The following ATRN variants were observed in gnomAD, a reference collection of about 807,000 sequenced individuals.
The protein encoded by ATRN is attractin-2.
Under a neutral mutation model 178.7 loss-of-function variants are expected in ATRN, and 54 were observed. The ratio of observed to expected loss-of-function variants is 0.30; its 90% CI spans 0.24 to 0.38. The LOEUF (loss-of-function observed/expected upper bound fraction) is 0.38. ATRN is among the 10% of genes least tolerant of loss of function. The probability of loss-of-function intolerance (pLI) is 1.00; values close to 1 mark genes in which losing one functional copy is unlikely to be tolerated. For synonymous variants in ATRN, 636 were observed against 663.0 expected (o/e 0.96, Z 0.63); for missense variants, 1,443 against 1,815.1 (o/e 0.79, Z 3.73).
intron 27 of ATRN, 120 bp downstream of exon 27, chr20:3,639,055 T>G (rs1568777896): frequency 1.4e-6 from 1 of 705,334 alleles, no homozygotes; most frequent in East Asian, 2.8e-5. Flanking sequence ...CTCTCTTTCT[T>G]TTTAACAATA....
chr20:3,511,425 T>A (rs1193754965), intron 1 of ATRN, among the ~76,000 whole-genome samples: 1 of 151,662 alleles, frequency 6.6e-6, no homozygotes, highest in Non-Finnish European at 1.5e-5. Context: ...ATCAGGAGGA[T>A]TTTTTTTAGT....
chr20:3,554,220 C>A (rs1426067773), intron 6 of ATRN, among the ~76,000 whole-genome samples: 1 of 151,876 alleles, frequency 6.6e-6, no homozygotes, highest in African/African-American at 2.4e-5. Context: ...TAAATATTAG[C>A]ATAGTTCCAA....
At chr20:3,628,772 A>G (rs1262050755) in intron 25 of ATRN, 2 of 541,062 alleles carry the variant, frequency 3.7e-6, no homozygotes, top group South Asian at 8.1e-5. Flanking sequence ...GGTGATATCA[A>G]CCAACTGACT....
intron 11 of ATRN, among the ~76,000 whole-genome samples, chr20:3,571,694 A>G (rs1438596878): frequency 2.0e-5 from 3 of 152,078 alleles, no homozygotes; most frequent in Admixed American, 1.3e-4. Context: ...TTCTCTGCAA[A>G]CTGGCTGAAG....
intron 25 of ATRN, among the ~76,000 whole-genome samples, chr20:3,625,023 GT>G (rs34723357): frequency 6.6e-6 from 1 of 152,018 alleles, no homozygotes; most frequent in Non-Finnish European, 1.5e-5. Context: ...TATTTCCATA[GT>G]TTTTTTCGTA....
At chr20:3,545,684 G>GTTT (rs1396225449) in intron 3 of ATRN, 78 bp from the exon 4 acceptor site, 12 of 1,551,046 alleles carry the variant, frequency 7.7e-6, no homozygotes, top group Non-Finnish European at 1.0e-5. Context: ...GGACGGATTT[G>GTTT]TTTTTAATTT....
intron 26 of ATRN, 141 bp downstream of exon 26, chr20:3,634,530 G>A: frequency 1.5e-6 from 1 of 674,778 alleles, no homozygotes; most frequent in Non-Finnish European, 2.5e-6. Flanking sequence ...AGCCCTTTCT[G>A]CAGTCCATGG....
chr20:3,599,744 A>T (rs78446054), intron 22 of ATRN, among the ~76,000 whole-genome samples: 8,612 of 152,278 alleles, frequency 0.057, 353 homozygotes, highest in Non-Finnish European at 0.081. Context: ...CCTGGAACCG[A>T]TGACCCACGT....
At chr20:3,526,931 A>G (rs2085373249) in intron 1 of ATRN, among the ~76,000 whole-genome samples, 1 of 152,318 alleles carries the variant, frequency 6.6e-6, no homozygotes, top group South Asian at 2.1e-4. Context: ...AAATTAATTG[A>G]AGATGGATTA....
At chr20:3,594,442 G>T in intron 19 of ATRN, 37 bp from the exon 20 acceptor site, 1 of 1,536,392 alleles carries the variant, frequency 6.5e-7, no homozygotes, top group Non-Finnish European at 8.9e-7. Context: ...AATTTTTTAA[G>T]CCAGTTGTGA....
intron 25 of ATRN, among the ~76,000 whole-genome samples, chr20:3,630,359 TACAC>T (rs139519545): frequency 6.6e-6 from 1 of 152,200 alleles, no homozygotes; most frequent in Non-Finnish European, 1.5e-5. Context: ...TTCACTCCTA[TACAC>T]ACACAGCTTC....
Position 3,559,467 on chromosome 20 carries a change from C to G in ATRN, c.1187C>G (p.Ser396Cys). ...VNNVVVRYGHSLALYKDKIYM... is the reference protein window; with the variant it reads ...VNNVVVRYGHCLALYKDKIYM... The stretch of plus-strand genomic sequence containing the variant: ...AATGTGGTTGTTAGATATGGTCATT[C>G]TTTGGCATTATACAAGGTAAAGCAT... Residue 396 changes from serine to cysteine, a missense_variant, in exon 7 of 29, where the codon TCT becomes TGT. Ser to Cys is a moderately radical substitution (Grantham distance 112). This residue lies in a region of ATRN where 862 missense variants were observed against 972.1 expected (regional missense o/e 0.89). Transcript: ENST00000262919. 6.2e-7 allele frequency: 1 copy of G among 1,613,620 alleles called. No individual in the cohort carries two copies. The highest frequency in any genetic ancestry group is 8.5e-7 in the Non-Finnish European group (1 of 1,179,604).
chr20:3,562,357 G>A lies in ATRN; in HGVS notation c.1529G>A (p.Arg510Lys). 7 of 1,614,130 alleles carry A rather than the reference G, an allele frequency of 4.3e-6. No homozygotes were observed. The highest frequency in any genetic ancestry group is 5.9e-6 in the Non-Finnish European group (7 of 1,180,012). ...GGCCATAGCAGTGTTTACGACCATA[G>A]GACCAGGGCCCTATACGTTCATGGT... Reference protein sequence around the residue: ...GYGHSSVYDHRTRALYVHGGY... With the variant: ...GYGHSSVYDHKTRALYVHGGY... Residue 510 changes from arginine (R) to lysine (K), a missense_variant, in exon 9 of 29, where the codon AGG becomes AAG. By Grantham distance (26) the Arg-to-Lys change is conservative. This residue lies in a region of ATRN where 862 missense variants were observed against 972.1 expected (regional missense o/e 0.89). Coordinates refer to ENST00000262919, the MANE Select transcript of ATRN (RefSeq NM_139321.3).
At chr20:3,475,925 A>G (rs910600271) in intron 1 of ATRN, among the ~76,000 whole-genome samples, 1 of 152,194 alleles carries the variant, frequency 6.6e-6, no homozygotes, top group African/African-American at 2.4e-5. Flanking sequence ...CAGAAGAATC[A>G]CTTGAGCCCA....
chr20:3,524,268 G>A (rs1046206561), intron 1 of ATRN, among the ~76,000 whole-genome samples: 5 of 148,780 alleles, frequency 3.4e-5, no homozygotes, highest in Admixed American at 6.7e-5. Context: ...TGCAATCCTA[G>A]TATCTGATAA....
At chr20:3,498,643 T>C (rs537782039) in intron 1 of ATRN, among the ~76,000 whole-genome samples, 2 of 152,318 alleles carry the variant, frequency 1.3e-5, no homozygotes, top group East Asian at 3.9e-4. Context: ...CTCTTCATGC[T>C]AAAAACTCTC....
chr20:3,512,786 T>A (rs1050870775), intron 1 of ATRN, among the ~76,000 whole-genome samples: 3 of 152,234 alleles, frequency 2.0e-5, no homozygotes, highest in Admixed American at 6.5e-5. Flanking sequence ...CCTGACTTTT[T>A]AATGATCGCC....
intron 19 of ATRN, among the ~76,000 whole-genome samples, chr20:3,593,777 A>G (rs2086485830): frequency 6.6e-6 from 1 of 152,250 alleles, no homozygotes; most frequent in African/African-American, 2.4e-5. Flanking sequence ...AACAGGGTAT[A>G]AAGTGAAAAG....
At chr20:3,567,335 GGTATTAGTACA>G (rs1182681825) in intron 11 of ATRN, among the ~76,000 whole-genome samples, 12 of 152,150 alleles carry the variant, frequency 7.9e-5, no homozygotes, top group African/African-American at 2.7e-4. Flanking sequence ...CTAAATGGCA[GGTATTAGTACA>G]GTCATAACTA....
Sources: allele counts gnomAD v4.1 joint callset (sites outside exome capture counted in the v4.1 genomes callset), GRCh38; gene constraint gnomAD v4.1.1; regional missense constraint gnomAD v4.1.1; transcripts MANE v1.5; gene names NCBI Gene and HGNC (gene_info 2026-07-23, HGNC 2026-07-21).